The following MROH1 variants were observed in gnomAD, a reference collection of about 807,000 sequenced individuals.
MROH1 encodes maestro heat like repeat family member 1.
Under a neutral mutation model 116.5 loss-of-function variants are expected in MROH1, and 117 were observed. The ratio of observed to expected loss-of-function variants is 1.00; its 90% confidence interval spans 0.86 to 1.17. The LOEUF (loss-of-function observed/expected upper bound fraction) is 1.17, where lower values mean the gene tolerates loss of function less well. Ranked by LOEUF, MROH1 falls within the 50% of genes most tolerant of loss-of-function variation. MROH1 has a pLI of 0.00. For synonymous variants in MROH1, 921 were observed against 583.9 expected (o/e 1.58, Z -8.32); for missense variants, 1,873 against 1,338.5 (o/e 1.40, Z -6.23).
At position 144,187,659 on chromosome 8, in the gene MROH1, G is replaced by A. The variant is rs1212167216; in HGVS notation, c.563-3125G>A. On this transcript the variant is annotated intron_variant, in intron 7 of 43. Coordinates refer to ENST00000326134, the MANE Select transcript of MROH1 (RefSeq NM_032450.3). ...TGTGAATCGATCATCACAGATTCTG[G>A]TGAGCTTCTGATGAGAGTCCCGCAG... is the stretch of plus-strand genomic sequence containing the variant. Among the ~76,000 whole-genome samples, 3 of 152,330 alleles carry A rather than the reference G, an allele frequency of 2.0e-5. No individual in the cohort carries two copies. The East Asian group carries it at 5.8e-4, about 29-fold the overall frequency.
At chr8:144,207,669 CTGT>C (rs1012058630) in intron 12 of MROH1, among the ~76,000 whole-genome samples, 28 of 152,170 alleles carry the variant, frequency 1.8e-4, no homozygotes, top group Non-Finnish European at 2.9e-4. Context: ...CCATGCCCAG[CTGT>C]TGTTCATTTA....
intron 43 of MROH1, 134 bp downstream of exon 43, chr8:144,261,483 G>A (rs1001220442): frequency 1.7e-5 from 12 of 693,960 alleles, no homozygotes; most frequent in East Asian, 5.4e-5. Flanking sequence ...AGTAATTCAC[G>A]GAAACTTCTT....
intron 10 of MROH1, among the ~76,000 whole-genome samples, chr8:144,194,903 G>T (rs1353924297): frequency 5.3e-5 from 8 of 151,240 alleles, no homozygotes; most frequent in Non-Finnish European, 7.4e-5. Flanking sequence ...GCAAGACCTT[G>T]TCTCGAAAAA....
At chr8:144,191,242 G>A (rs1010309441) in intron 8 of MROH1, among the ~76,000 whole-genome samples, 1 of 152,096 alleles carries the variant, frequency 6.6e-6, no homozygotes, top group Non-Finnish European at 1.5e-5. Flanking sequence ...GCTTATTTTT[G>A]TATTTTTAGT....
chr8:144,244,015 C>A (rs1235749524), intron 26 of MROH1, 73 bp downstream of exon 26: 1 of 745,678 alleles, frequency 1.3e-6, no homozygotes, highest in Non-Finnish European at 2.5e-6. Context: ...TGTGTGTGCA[C>A]GTGTATGCGC....
intron 29 of MROH1, among the ~76,000 whole-genome samples, chr8:144,245,831 C>A (rs1841787883): frequency 6.6e-6 from 1 of 151,170 alleles, no homozygotes; most frequent in African/African-American, 2.4e-5. Context: ...AGCTGATTTT[C>A]TTTTATTTTT....
intron 7 of MROH1, among the ~76,000 whole-genome samples, chr8:144,187,716 A>T (rs1588013324): frequency 6.6e-6 from 1 of 152,068 alleles, no homozygotes; most frequent in Non-Finnish European, 1.5e-5. Flanking sequence ...TTGCGCCTGG[A>T]GGTGCTGGTG....
chr8:144,252,979 C>CATATATAT (rs138657169), intron 33 of MROH1, among the ~76,000 whole-genome samples: 2 of 142,668 alleles, frequency 1.4e-5, no homozygotes, highest in African/African-American at 5.2e-5. Context: ...AAATTTATTT[C>CATATATAT]ATATATATAT....
intron 1 of MROH1, among the ~76,000 whole-genome samples, chr8:144,160,761 C>T (rs976065887): frequency 2.3e-5 from 3 of 128,050 alleles, no homozygotes; most frequent in African/African-American, 1.1e-4. Flanking sequence ...CCATAAAGTT[C>T]TTGGAGTCAG....
intron 12 of MROH1, among the ~76,000 whole-genome samples, chr8:144,209,295 T>C (rs1257826196): frequency 6.6e-6 from 1 of 151,920 alleles, no homozygotes; most frequent in Non-Finnish European, 1.5e-5. Context: ...ATCGTTAGTA[T>C]AGGCCGGGCA....
intron 36 of MROH1, 96 bp downstream of exon 36, chr8:144,259,010 G>A (rs1844459077): frequency 1.5e-6 from 1 of 645,354 alleles, no homozygotes; most frequent in Non-Finnish European, 2.8e-6. Flanking sequence ...GCCCATGCGT[G>A]TCAGGCCAAT....
chr8:144,159,806 C>T (rs956351485), intron 1 of MROH1, among the ~76,000 whole-genome samples: 2 of 123,642 alleles, frequency 1.6e-5, no homozygotes, highest in Non-Finnish European at 3.2e-5. Context: ...CTCGCTTTGT[C>T]GCCCAGGCTG....
intron 4 of MROH1, among the ~76,000 whole-genome samples, chr8:144,171,345 C>T (rs528777821): frequency 1.4e-4 from 22 of 152,290 alleles, no homozygotes; most frequent in Admixed American, 1.0e-3. Context: ...ACGAAGGGTG[C>T]GGGTGCCCAG....
chr8:144,240,145 C>A lies in MROH1; in HGVS notation c.1819C>A (p.Leu607Met). 1.3e-6 allele frequency: 1 copy of A among 778,358 alleles called. No individual in the cohort carries two copies. The highest frequency in any genetic ancestry group is 1.3e-5 in the South Asian group (1 of 74,144). 48.2% of individuals were successfully genotyped at this position (778,358 alleles called of 1,614,324 possible). Residue 607 changes from leucine (L) to methionine (M), a missense_variant, in exon 19 of 44, where the codon CTG becomes ATG. By Grantham distance (15) the Leu-to-Met change is conservative. Coordinates refer to ENST00000326134, the MANE Select transcript of MROH1 (RefSeq NM_032450.3). ...GCCACAGGAGGAGTGGGAGGAGAAGCTGTTGATGGTGAGGGCCGGGGTACG... is the reference window on the plus strand; with the variant it reads ...GCCACAGGAGGAGTGGGAGGAGAAGATGTTGATGGTGAGGGCCGGGGTACG... ...TLPQEEWEEKLLMFLRDTLAI... is the reference protein window; with the variant it reads ...TLPQEEWEEKMLMFLRDTLAI...
chr8:144,215,279 G>A (rs867903045), intron 12 of MROH1, among the ~76,000 whole-genome samples: 43 of 152,264 alleles, frequency 2.8e-4, no homozygotes, highest in African/African-American at 1.0e-3. Flanking sequence ...TCCAAAGTTC[G>A]AAACTTTTTG....
At chr8:144,198,319 G>A (rs925716570) in intron 10 of MROH1, among the ~76,000 whole-genome samples, 1 of 152,190 alleles carries the variant, frequency 6.6e-6, no homozygotes, top group South Asian at 2.1e-4. Context: ...TGGGGACCTA[G>A]GATGTCACAC....
At chr8:144,213,392 T>C (rs2132171307) in intron 12 of MROH1, 1 of 337,630 alleles carries the variant, frequency 3.0e-6, no homozygotes, top group South Asian at 1.0e-4. Flanking sequence ...TCCTTGAGTG[T>C]CTTAAGTTAT....
Position 144,241,466 on chromosome 8 carries a change from C to A in MROH1, c.2127C>A (p.Phe709Leu). ...LEDTLAQLED[F>L]VRSEVFRKSI... ...ACACGCTGGCCCAGCTGGAGGACTT[C>A]GTGAGGTCAGAGGTCTTCAGAAAAT... The change falls in exon 22 of 44, where the codon TTC becomes TTA. Residue 709 changes from phenylalanine (F) to leucine (L), a missense_variant. By Grantham distance (22) the Phe-to-Leu change is conservative. Coordinates refer to ENST00000326134, the MANE Select transcript of MROH1 (RefSeq NM_032450.3). The A allele has an allele frequency of 2.6e-6, 2 of 778,710 alleles. No homozygotes were observed. Among genetic ancestry groups the A allele is most frequent in the Non-Finnish European group, 2.4e-6 (1 of 417,798 alleles). The allele number at this position is 778,710 out of a possible 1,614,324, so 48.2% of individuals were successfully genotyped here.
chr8:144,209,921 A>G (rs1437658930), intron 12 of MROH1, among the ~76,000 whole-genome samples: 1 of 149,462 alleles, frequency 6.7e-6, no homozygotes, highest in African/African-American at 2.5e-5. Flanking sequence ...AAAAAAAAAA[A>G]GGGAAGGAAA....
Sources: allele counts gnomAD v4.1 joint callset (sites outside exome capture counted in the v4.1 genomes callset), GRCh38; gene constraint gnomAD v4.1.1; transcripts MANE v1.5; gene names NCBI Gene and HGNC (gene_info 2026-07-23, HGNC 2026-07-21).